ITPR2: variants seen among roughly 807,000 people sequenced by gnomAD.
ITPR2 encodes inositol 1,4,5-trisphosphate receptor type 2, also known as inositol 1,4,5-trisphosphate-gated calcium channel ITPR2.
In ITPR2, 207 loss-of-function variants were observed where a neutral mutation model predicts 317.1. The observed-to-expected ratio is 0.65, with a 90% CI of 0.58 to 0.73. The LOEUF is 0.73. Ranked by LOEUF, ITPR2 falls within the 30% of genes least tolerant of loss-of-function variation. The pLI, the probability that ITPR2 is intolerant of heterozygous loss-of-function variation, is 0.00. For synonymous variants in ITPR2, 1,156 were observed against 1,149.1 expected (o/e 1.01, Z -0.12); for missense variants, 2,613 against 3,284.0 (o/e 0.80, Z 4.99).
chr12:26,530,748 T>C (rs1489178090), intron 37 of ITPR2, among the ~76,000 whole-genome samples: 1 of 152,188 alleles, frequency 6.6e-6, no homozygotes, highest in Non-Finnish European at 1.5e-5. Flanking sequence ...CACTGTAGTA[T>C]ATCTACATAG....
chr12:26,753,342 T>G (rs1373322501), intron 2 of ITPR2, among the ~76,000 whole-genome samples: 4 of 152,214 alleles, frequency 2.6e-5, no homozygotes, highest in Non-Finnish European at 5.9e-5. Flanking sequence ...ATAATCTGCC[T>G]TGTACTCTTT....
rs1243553380 is a variant in ITPR2, at chr12:26,515,925, C to T, written c.5074-20665G>A. ...AGGAGTTCAAGACCAGCCTGAGCAA[C>T]ATGGAAAAATTCCATCTCTACAAAA... is the stretch of plus-strand genomic sequence containing the variant. On this transcript the variant is annotated intron_variant, in intron 37 of 56. Coordinates refer to ENST00000381340, the MANE Select transcript of ITPR2 (RefSeq NM_002223.4). Among the ~76,000 whole-genome samples, 5 of 147,812 alleles carry T rather than the reference C, an allele frequency of 3.4e-5. No individual in the cohort carries two copies. In the South Asian group the frequency reaches 8.7e-4, roughly 26 times the overall value.
rs138809918 is a variant in ITPR2 at position 26,614,614 on chromosome 12, T to C, written c.3462+6509A>G. On this transcript the variant is annotated intron_variant, in intron 26 of 56. Coordinates refer to ENST00000381340, the MANE Select transcript of ITPR2 (RefSeq NM_002223.4). ...GGATAAACAATACAAGGGACTATTA[T>C]TCAGCAATAACAAAAAATGAGGCAT... is the stretch of plus-strand genomic sequence containing the variant. Among the ~76,000 whole-genome samples the C allele has an allele frequency of 9.0e-3, 1,375 of 152,302 alleles. 11 individuals carry two copies. Among genetic ancestry groups the C allele is most frequent in the Non-Finnish European group, 0.015 (997 of 68,016 alleles).
intron 41 of ITPR2, among the ~76,000 whole-genome samples, chr12:26,485,024 T>G (rs1825478): frequency 6.8e-6 from 1 of 147,080 alleles, no homozygotes; most frequent in East Asian, 1.9e-4. Flanking sequence ...CGGAATACCA[T>G]AGAATATGAT....
chr12:26,412,375 A>C (rs1229265683), intron 51 of ITPR2, among the ~76,000 whole-genome samples: 2 of 152,182 alleles, frequency 1.3e-5, no homozygotes, highest in African/African-American at 4.8e-5. Context: ...CTCCCCAGAC[A>C]CAGATTTACC....
intron 37 of ITPR2, among the ~76,000 whole-genome samples, chr12:26,547,467 T>C (rs570819220): frequency 2.4e-4 from 36 of 152,304 alleles, no homozygotes; most frequent in African/African-American, 8.4e-4. Context: ...TGTAAACTAG[T>C]AGAGCCACTG....
At chr12:26,782,537 G>A (rs186404407) in intron 2 of ITPR2, among the ~76,000 whole-genome samples, 1 of 152,310 alleles carries the variant, frequency 6.6e-6, no homozygotes, top group Admixed American at 6.5e-5. Flanking sequence ...ATTTATAGGT[G>A]GGACTAATTC....
intron 1 of ITPR2, among the ~76,000 whole-genome samples, chr12:26,817,156 G>A (rs1328952959): frequency 6.8e-6 from 1 of 147,224 alleles, no homozygotes; most frequent in Non-Finnish European, 1.5e-5. Context: ...ACTCCAGCCT[G>A]GGCGACAGAC....
At chr12:26,422,121 AAATT>A (rs1159189800) in intron 49 of ITPR2, among the ~76,000 whole-genome samples, 2 of 150,506 alleles carry the variant, frequency 1.3e-5, no homozygotes, top group Non-Finnish European at 3.0e-5. Flanking sequence ...CTAAATAACT[AAATT>A]ATTTACTAAT....
intron 45 of ITPR2, among the ~76,000 whole-genome samples, chr12:26,463,921 G>A (rs968587350): frequency 3.9e-5 from 6 of 151,970 alleles, no homozygotes; most frequent in African/African-American, 1.2e-4. Context: ...CGCACAGCAC[G>A]CTAAATATTG....
rs1591981986 is a variant in ITPR2, at chr12:26,387,662, A to C, written c.7697-68T>G. The C allele has an allele frequency of 1.7e-5, 24 of 1,403,214 alleles. No individual in the cohort carries two copies. The East Asian group carries it at 5.6e-4, about 33-fold the overall frequency. 86.9% of individuals were successfully genotyped at this position (1,403,214 alleles called of 1,614,324 possible). Reference sequence around the variant, plus strand: ...ATCAGTACTTGCTTCTTAGCATAAAAACAAAACACAATAATTATTGTGAAA... The same window carrying C: ...ATCAGTACTTGCTTCTTAGCATAAACACAAAACACAATAATTATTGTGAAA... On this transcript the variant is annotated intron_variant, in intron 54 of 56. Coordinates refer to ENST00000381340, the MANE Select transcript of ITPR2 (RefSeq NM_002223.4).
chr12:26,415,274 G>C, intron 51 of ITPR2, 29 bp downstream of exon 51: 1 of 1,489,064 alleles, frequency 6.7e-7, no homozygotes, highest in Non-Finnish European at 9.1e-7. Context: ...TGCCATCAGA[G>C]AAACCTCATT....
intron 16 of ITPR2, 75 bp from the exon 17 acceptor site, chr12:26,658,205 T>A (rs1421624307): frequency 9.8e-7 from 1 of 1,023,492 alleles, no homozygotes; most frequent in African/African-American, 1.6e-5. Flanking sequence ...AGACATAATT[T>A]GGAATATAAT....
intron 9 of ITPR2, among the ~76,000 whole-genome samples, chr12:26,699,176 T>G (rs1948401141): frequency 6.6e-6 from 1 of 151,892 alleles, no homozygotes; most frequent in Non-Finnish European, 1.5e-5. Flanking sequence ...TATCCCCCAC[T>G]AAAACATGCA....
intron 34 of ITPR2, among the ~76,000 whole-genome samples, chr12:26,574,339 T>C (rs1945228390): frequency 6.6e-6 from 1 of 152,166 alleles, no homozygotes; most frequent in South Asian, 2.1e-4. Context: ...AGTGAGGTGA[T>C]TTTAGATCCC....
chr12:26,690,289 C>T (rs1948211368), intron 10 of ITPR2, among the ~76,000 whole-genome samples: 1 of 152,188 alleles, frequency 6.6e-6, no homozygotes, highest in South Asian at 2.1e-4. Context: ...AGAAGATCAG[C>T]ATGTAACCCA....
chr12:26,703,580 A>C (rs1174537053), intron 9 of ITPR2, among the ~76,000 whole-genome samples: 1 of 152,176 alleles, frequency 6.6e-6, no homozygotes, highest in Non-Finnish European at 1.5e-5. Flanking sequence ...CCCATTCCCC[A>C]ACTGTGAAAA....
rs765580395 is a variant in ITPR2 at position 26,655,852 on chromosome 12, T to C, written c.2445A>G (p.Glu815=). 2.5e-5 allele frequency: 40 copies of C among 1,605,962 alleles called. 1 individual carries two copies. The Middle Eastern group carries it at 3.5e-3, about 140-fold the overall frequency. ...TGGAAGAGTCTGTTATAGAATCATA[T>C]CTGGAAATAGAGAAAGAAGATAACG... ...TEIPTKITIH[E]YDSITDSSRN... The change falls in exon 20 of 57, where the codon GAA becomes GAG. Residue 815 remains glutamate, a splice_region_variant and synonymous_variant. Coordinates refer to ENST00000381340, the MANE Select transcript of ITPR2 (RefSeq NM_002223.4).
At chr12:26,712,970 C>T (rs1267802661) in intron 8 of ITPR2, among the ~76,000 whole-genome samples, 1 of 152,236 alleles carries the variant, frequency 6.6e-6, no homozygotes, top group Non-Finnish European at 1.5e-5. Flanking sequence ...CTGCTAAGTG[C>T]TCCCCTGCAT....
Sources: gnomAD v4.1 joint callset for allele counts (sites outside exome capture counted in the v4.1 genomes callset) on GRCh38, gnomAD v4.1.1 for gene constraint, MANE v1.5 for transcripts, NCBI Gene and HGNC (gene_info 2026-07-23, HGNC 2026-07-21) for gene names.